Variants in THSD4 observed in about 807,000 individuals in gnomAD.
THSD4 encodes the protein thrombospondin type-1 domain-containing protein 4.
In THSD4, 69 loss-of-function variants were observed where a neutral mutation model predicts 119.0. The observed-to-expected ratio is 0.58, with a 90% CI of 0.48 to 0.71. THSD4 has a LOEUF of 0.71. Ranked by LOEUF, THSD4 falls within the 30% of genes least tolerant of loss-of-function variation. THSD4 has a pLI of 0.00. For synonymous variants in THSD4, 524 were observed against 540.4 expected (o/e 0.97, Z 0.42); for missense variants, 1,393 against 1,391.1 (o/e 1.00, Z -0.02).
At chr15:71,673,619 G>A (rs1313052178) in intron 8 of THSD4, among the ~76,000 whole-genome samples, 1 of 152,086 alleles carries the variant, frequency 6.6e-6, no homozygotes, top group African/African-American at 2.4e-5. Context: ...TTTCTCTTGT[G>A]GGCATTTAGT....
At chr15:71,524,000 AAAG>A (rs746690052) in intron 7 of THSD4, among the ~76,000 whole-genome samples, 2 of 152,200 alleles carry the variant, frequency 1.3e-5, no homozygotes, top group Non-Finnish European at 2.9e-5. Flanking sequence ...ATAAGTGTCT[AAAG>A]AAGGTTTCTA....
chr15:71,424,840 TA>T (rs2046849120), intron 7 of THSD4, among the ~76,000 whole-genome samples: 1 of 152,142 alleles, frequency 6.6e-6, no homozygotes, highest in Admixed American at 6.5e-5. Context: ...TTAATAAAAA[TA>T]GATGAAACTT....
At position 71,490,452 on chromosome 15, in the gene THSD4, C is replaced by T. The variant is rs186130128; in HGVS notation, c.1152+78629C>T. Among the ~76,000 whole-genome samples, 69 of 149,410 alleles carry T rather than the reference C, an allele frequency of 4.6e-4. 2 individuals are homozygous for T. In the South Asian group the frequency reaches 9.3e-3, roughly 20 times the overall value. ...GCGGGTGCCTGTAGTCCCACCTACT[C>T]GGGAGGCTGAGGCAGGAGAATGGCG... On this transcript the variant is annotated intron_variant, in intron 7 of 17. Coordinates refer to ENST00000261862, the MANE Select transcript of THSD4 (RefSeq NM_024817.3).
At chr15:71,469,274 G>C (rs1158270625) in intron 7 of THSD4, among the ~76,000 whole-genome samples, 1 of 152,158 alleles carries the variant, frequency 6.6e-6, no homozygotes. Context: ...GGCCCTATGT[G>C]GTTGTCATGG....
At chr15:71,551,690 C>T (rs1461611633) in intron 7 of THSD4, among the ~76,000 whole-genome samples, 2 of 152,162 alleles carry the variant, frequency 1.3e-5, no homozygotes, top group Non-Finnish European at 2.9e-5. Context: ...CCACTTACTT[C>T]CCCTAGCAAT....
At chr15:71,539,330 C>T (rs944957308) in intron 7 of THSD4, among the ~76,000 whole-genome samples, 1 of 152,206 alleles carries the variant, frequency 6.6e-6, no homozygotes, top group Non-Finnish European at 1.5e-5. Context: ...CTTTTTCCAC[C>T]TATTCCACAC....
At chr15:71,478,796 A>C (rs569370854) in intron 7 of THSD4, among the ~76,000 whole-genome samples, 1 of 152,374 alleles carries the variant, frequency 6.6e-6, no homozygotes, top group African/African-American at 2.4e-5. Flanking sequence ...GACGAGAATC[A>C]TATGAGCCTT....
rs112859786 is a variant in THSD4, at chr15:71,532,263, T to TGAGAGAGAGAGAGAGAGAGAGAGAGA, written c.1152+120461_1152+120462insAGAGAGAGAGAGAGAGAGAGAGAGAG. Among the ~76,000 whole-genome samples the TGAGAGAGAGAGAGAGAGAGAGAGAGA allele has an allele frequency of 5.0e-4, 36 of 71,766 alleles. 1 individual carries two copies. The highest frequency in any genetic ancestry group is 8.2e-3 in the Middle Eastern group (1 of 122). The allele number at this position is 71,766 out of a possible 152,430, so 47.1% of individuals were successfully genotyped here. On this transcript the variant is annotated intron_variant, in intron 7 of 17. Transcript: ENST00000261862. Reference sequence around the variant, plus strand: ...TAGCACTGACTGAAACAACAAAGGGTGAGAGAGAGAGAGAGAGAGAGTGTG... The same window carrying TGAGAGAGAGAGAGAGAGAGAGAGAGA: ...TAGCACTGACTGAAACAACAAAGGGTGAGAGAGAGAGAGAGAGAGAGAGAGAGAGAGAGAGAGAGAGAGAGAGTGTG...
At chr15:71,629,868 C>G (rs895477263) in intron 7 of THSD4, among the ~76,000 whole-genome samples, 3 of 152,160 alleles carry the variant, frequency 2.0e-5, no homozygotes, top group African/African-American at 7.2e-5. Flanking sequence ...AGCCTATTTC[C>G]TCGGGTTACT....
At chr15:71,111,090 G>A (rs556666817), upstream of THSD4, 8 of 1,523,018 alleles carry the variant, frequency 5.3e-6, no homozygotes, top group African/African-American at 9.6e-5. Context: ...GAGGAAAAGG[G>A]GAAATAATCT....
At chr15:71,140,868 CA>C (rs1290421892) in intron 1 of THSD4, among the ~76,000 whole-genome samples, 1 of 152,202 alleles carries the variant, frequency 6.6e-6, no homozygotes, top group Non-Finnish European at 1.5e-5. Flanking sequence ...TCCCAACCCC[CA>C]ATCCCTGGCA....
intron 6 of THSD4, among the ~76,000 whole-genome samples, chr15:71,377,038 G>A (rs998790333): frequency 2.0e-5 from 3 of 152,162 alleles, no homozygotes; most frequent in Non-Finnish European, 4.4e-5. Context: ...CAGTTATCTG[G>A]GCCTGATGTG....
intron 6 of THSD4, chr15:71,341,737 TAGGAAA>T: frequency 1.1e-6 from 1 of 917,686 alleles, no homozygotes. Context: ...TCAGGCTGCT[TAGGAAA>T]AGAGCTCTCT....
chr15:71,402,717 G>T (rs573777499), intron 6 of THSD4, among the ~76,000 whole-genome samples: 1 of 152,144 alleles, frequency 6.6e-6, no homozygotes, highest in Non-Finnish European at 1.5e-5. Context: ...CAGGCACAGC[G>T]CAAGCTCCAG....
At chr15:71,338,568 G>A (rs2045519159) in intron 6 of THSD4, among the ~76,000 whole-genome samples, 1 of 152,158 alleles carries the variant, frequency 6.6e-6, no homozygotes, top group Non-Finnish European at 1.5e-5. Flanking sequence ...GAGACAGGCA[G>A]GAGGTTAGGA....
At chr15:71,754,521 T>C (rs2053504854) in intron 14 of THSD4, among the ~76,000 whole-genome samples, 1 of 152,180 alleles carries the variant, frequency 6.6e-6, no homozygotes, top group African/African-American at 2.4e-5. Context: ...AATATTCCAA[T>C]TATTGTAACA....
At chr15:71,112,128 A>G (rs2040309735), upstream of THSD4, 4 of 1,613,462 alleles carry the variant, frequency 2.5e-6, no homozygotes, top group Non-Finnish European at 3.4e-6. Context: ...TTCATTCCTC[A>G]GAGATTTGGG....
chr15:71,637,663 G>C (rs974534986), intron 7 of THSD4, among the ~76,000 whole-genome samples: 4 of 152,270 alleles, frequency 2.6e-5, no homozygotes, highest in South Asian at 4.1e-4. Context: ...AGGTGGCAAT[G>C]GGGAGTTGTT....
At chr15:71,586,720 A>C (rs970091894) in intron 7 of THSD4, among the ~76,000 whole-genome samples, 2 of 152,208 alleles carry the variant, frequency 1.3e-5, no homozygotes, top group African/African-American at 4.8e-5. Context: ...TAATTGTGGG[A>C]GCAAACTCCA....
Sources: allele counts gnomAD v4.1 joint callset (sites outside exome capture counted in the v4.1 genomes callset), GRCh38; gene constraint gnomAD v4.1.1; transcripts MANE v1.5; gene names NCBI Gene and HGNC (gene_info 2026-07-23, HGNC 2026-07-21).